The following BCAR1 variants were observed in gnomAD, a reference collection of about 807,000 sequenced individuals.
BCAR1 encodes BCAR1 scaffold protein, Cas family member.
A neutral mutation model predicts 67.6 loss-of-function variants in BCAR1; 30 were observed. The observed-to-expected ratio is 0.44, with a 90% CI of 0.33 to 0.60. The LOEUF (loss-of-function observed/expected upper bound fraction) is 0.60. BCAR1 is among the 20% of genes least tolerant of loss of function. BCAR1 has a pLI of 0.02. For synonymous variants in BCAR1, 626 were observed against 556.7 expected (o/e 1.12, Z -1.75); for missense variants, 1,313 against 1,222.3 (o/e 1.07, Z -1.11).
At position 75,251,444 on chromosome 16, in the gene BCAR1, C is replaced by T. The variant is rs778682554; in HGVS notation, c.12+27G>A. ...CCGCTGCCGCCTCCAAGCCCGTACG[C>T]GGCCCGGCCCCACCTGGCGCCCTCA... On this transcript the variant is annotated intron_variant, in intron 1 of 6. Coordinates refer to ENST00000162330, the MANE Select transcript of BCAR1 (RefSeq NM_014567.5). 5.5e-6 allele frequency: 8 copies of T among 1,460,758 alleles called. No homozygotes were observed. In the South Asian group the frequency reaches 9.2e-5, roughly 17 times the overall value. The allele number at this position is 1,460,758 out of a possible 1,614,324, so 90.5% of individuals were successfully genotyped here. A position where few individuals can be genotyped will look rare whatever the true frequency, so the allele number is the denominator to read the frequency against.
At chr16:75,253,653 C>A (rs1362801787), upstream of BCAR1, among the ~76,000 whole-genome samples, 2 of 152,202 alleles carry the variant, frequency 1.3e-5, no homozygotes, top group Admixed American at 1.3e-4. Context: ...ATTCCCTCCC[C>A]CAAAAGCCTG....
At chr16:75,252,764 G>C (rs1353025154), upstream of BCAR1, among the ~76,000 whole-genome samples, 1 of 152,218 alleles carries the variant, frequency 6.6e-6, no homozygotes, top group Non-Finnish European at 1.5e-5. Context: ...GCCTGCAGCT[G>C]CCCCTCTGTC....
intron 1 of BCAR1, chr16:75,248,188 A>T: frequency 6.4e-6 from 10 of 1,570,214 alleles, no homozygotes; most frequent in Non-Finnish European, 8.6e-6. Context: ...ATCTCCACCG[A>T]GGGGTGACGC....
chr16:75,264,689 T>G (rs1246821672), intron 1 of BCAR1: 1 of 1,233,304 alleles, frequency 8.1e-7, no homozygotes, highest in Non-Finnish European at 1.0e-6. Flanking sequence ...CCAGCTTCCC[T>G]CTGGTCATCT....
Position 75,235,591 on chromosome 16 carries a change from G to A in BCAR1, c.1308C>T (p.Arg436=), listed in dbSNP as rs761707534. 1.9e-6 allele frequency: 3 copies of A among 1,590,958 alleles called. No homozygotes were observed. The highest frequency in any genetic ancestry group is 2.7e-5 in the African/African-American group (2 of 74,532). The change falls in exon 5 of 7, where the codon CGC becomes CGT. Residue 436 remains arginine (R), a synonymous_variant. Transcript: ENST00000162330. The stretch of plus-strand genomic sequence containing the variant: ...CCAAGGAGGACGCAGACTGGCTGCT[G>A]CGTGTGCTGCCGGTGCTGGAGGCCG... The part of the protein sequence containing the change: ...RLSASSTGST[R]SSQSASSLEV...
At chr16:75,237,651 T>C (rs996673915) in intron 2 of BCAR1, among the ~76,000 whole-genome samples, 6 of 152,174 alleles carry the variant, frequency 3.9e-5, no homozygotes, top group African/African-American at 1.4e-4. Context: ...TATGAGCTGA[T>C]GACACCGGTG....
intron 1 of BCAR1, chr16:75,264,327 C>A: frequency 6.8e-7 from 1 of 1,475,864 alleles, no homozygotes; most frequent in Non-Finnish European, 9.0e-7. Flanking sequence ...GTGACATTCC[C>A]TAATCACTAC....
chr16:75,263,372 A>G, intron 1 of BCAR1: 2 of 985,428 alleles, frequency 2.0e-6, no homozygotes, highest in Non-Finnish European at 2.4e-6. Flanking sequence ...CTGCAGGAAG[A>G]GTCAGGCCCA....
chr16:75,244,008 C>CAGGGCTGCGGCCCCTCCTAGGGCAGCAG, intron 1 of BCAR1, among the ~76,000 whole-genome samples: 1 of 152,330 alleles, frequency 6.6e-6, no homozygotes, highest in East Asian at 1.9e-4. Context: ...GAGACAAGGC[C>CAGGGCTGCGGCCCCTCCTAGGGCAGCAG]AGGGCTGCGG....
chr16:75,258,115 C>A (rs1170939362), intron 1 of BCAR1, among the ~76,000 whole-genome samples: 1 of 152,216 alleles, frequency 6.6e-6, no homozygotes, highest in Non-Finnish European at 1.5e-5. Context: ...TGCGCCATCA[C>A]ACACTGGCCC....
chr16:75,229,509 C>A lies in BCAR1; in HGVS notation c.*2G>T. ...CCTGCCTCCCTCCTGGGGTCACCAC[C>A]CTCAGGCGGCTGCCAGCTGGCCTAG... is the stretch of plus-strand genomic sequence containing the variant. On this transcript the variant is annotated 3_prime_UTR_variant, in exon 7 of 7. Coordinates refer to ENST00000162330, the MANE Select transcript of BCAR1 (RefSeq NM_014567.5). 1 of 1,560,458 alleles carries A rather than the reference C, an allele frequency of 6.4e-7. No individual in the cohort carries two copies. Among genetic ancestry groups the A allele is most frequent in the East Asian group, 2.3e-5 (1 of 43,420 alleles).
At chr16:75,236,611 T>G in intron 4 of BCAR1, 1 of 522,786 alleles carries the variant, frequency 1.9e-6, no homozygotes, top group Non-Finnish European at 3.2e-6. Flanking sequence ...GTATCCCAGG[T>G]GAGATGACAC....
chr16:75,250,325 C>G (rs1009509029), intron 1 of BCAR1, among the ~76,000 whole-genome samples: 1 of 152,142 alleles, frequency 6.6e-6, no homozygotes, highest in South Asian at 2.1e-4. Flanking sequence ...CCAGGCACCC[C>G]GACACCTGCT....
intron 2 of BCAR1, among the ~76,000 whole-genome samples, chr16:75,241,094 G>C (rs917367205): frequency 6.6e-6 from 1 of 152,236 alleles, no homozygotes; most frequent in African/African-American, 2.4e-5. Flanking sequence ...ACATTTGTAC[G>C]TTTGTGGGAT....
At position 75,235,135 on chromosome 16, in the gene BCAR1, C is replaced by G. The variant is rs200760081; in HGVS notation, c.1764G>C (p.Glu588Asp). ...RLVACSRAVP[E>D]DAKQLASFLH... ...GGAAGGAGGCCAGCTGCTTGGCGTC[C>G]TCGGGCACAGCCCGCGAGCAGGCCA... Residue 588 changes from glutamate (E) to aspartate (D), a missense_variant, in exon 5 of 7, where the codon GAG becomes GAC. Around this residue, in one of 2 missense-constraint regions of BCAR1, gnomAD observed 1,272 missense variants for 1,137.5 expected, o/e 1.12. Coordinates refer to ENST00000162330, the MANE Select transcript of BCAR1 (RefSeq NM_014567.5). The G allele has an allele frequency of 1.2e-6, 2 of 1,609,722 alleles. No individual in the cohort carries two copies. The highest frequency in any genetic ancestry group is 4.5e-5 in the East Asian group (2 of 44,868).
Position 75,236,092 on chromosome 16 carries a change from A to C in BCAR1, c.913-106T>G, listed in dbSNP as rs1237281558. ...CACACACACACGTACACACATACAGACACACACACAGAGGCACGCGCACAC... is the reference window on the plus strand; with the variant it reads ...CACACACACACGTACACACATACAGCCACACACACAGAGGCACGCGCACAC... On this transcript the variant is annotated intron_variant, in intron 4 of 6. Transcript: ENST00000162330. The C allele has an allele frequency of 6.5e-6, 9 of 1,392,890 alleles. No individual in the cohort carries two copies. The Admixed American group carries it at 2.2e-4, about 35-fold the overall frequency. The allele number at this position is 1,392,890 out of a possible 1,614,324, so 86.3% of individuals were successfully genotyped here.
chr16:75,251,684 C>T, upstream of BCAR1: 1 of 994,208 alleles, frequency 1.0e-6, no homozygotes, highest in Non-Finnish European at 1.2e-6. Context: ...GCATGCCCGG[C>T]CGCGCGCGCC....
intron 2 of BCAR1, chr16:75,238,084 C>T (rs1179296598): frequency 7.8e-7 from 1 of 1,288,984 alleles, no homozygotes; most frequent in Admixed American, 2.3e-5. Context: ...TCCCCAGGTG[C>T]TCTTACCATG....
Position 75,235,532 on chromosome 16 carries a change from A to G in BCAR1, c.1367T>C (p.Leu456Pro). Residue 456 changes from leucine to proline, a missense_variant, in exon 5 of 7, where the codon CTG becomes CCG. Transcript: ENST00000162330. ...TGCCAGGGCCTCCACAGCAACTTCC[A>G]GCTCCAGGGGTTCCCGGCCCGGCCC... ...VAGPGREPLE[L>P]EVAVEALARL... The G allele has an allele frequency of 1.9e-6, 3 of 1,595,636 alleles. No individual in the cohort carries two copies. Among genetic ancestry groups the G allele is most frequent in the Non-Finnish European group, 2.6e-6 (3 of 1,171,804 alleles).
Sources: allele counts gnomAD v4.1 joint callset (sites outside exome capture counted in the v4.1 genomes callset), GRCh38; gene constraint gnomAD v4.1.1; regional missense constraint gnomAD v4.1.1; transcripts MANE v1.5; gene names NCBI Gene and HGNC (gene_info 2026-07-23, HGNC 2026-07-21).